The following PCDHGB4 variants were observed in gnomAD, a reference collection of about 807,000 sequenced individuals.
The protein encoded by PCDHGB4 is protocadherin gamma subfamily B, 4.
Under a neutral mutation model 60.5 loss-of-function variants are expected in PCDHGB4, and 38 were observed. The ratio of observed to expected loss-of-function variants is 0.63; its 90% CI spans 0.48 to 0.82. The LOEUF is 0.82. Ranked by LOEUF, PCDHGB4 falls within the 40% of genes least tolerant of loss-of-function variation. The probability of loss-of-function intolerance (pLI) is 0.00; values close to 1 mark genes in which losing one functional copy is unlikely to be tolerated. For synonymous variants in PCDHGB4, 456 were observed against 509.7 expected (o/e 0.89, Z 1.42); for missense variants, 1,109 against 1,209.6 (o/e 0.92, Z 1.23).
At chr5:141,468,836 A>G (rs1286137807) in intron 1 of PCDHGB4, among the ~76,000 whole-genome samples, 1 of 152,170 alleles carries the variant, frequency 6.6e-6, no homozygotes, top group East Asian at 1.9e-4. Flanking sequence ...ACTGCACTCC[A>G]GCCTGGGCAA....
At chr5:141,510,134 C>T (rs1273076437) in intron 3 of PCDHGB4, among the ~76,000 whole-genome samples, 1 of 152,064 alleles carries the variant, frequency 6.6e-6, no homozygotes, top group East Asian at 1.9e-4. Context: ...ATTAGCTGGG[C>T]TAGTGGTGTG....
intron 1 of PCDHGB4, chr5:141,403,174 T>C: frequency 1.9e-6 from 3 of 1,614,000 alleles, no homozygotes; most frequent in Non-Finnish European, 2.5e-6. Context: ...GGACGCAGCT[T>C]TTCTCTCTGA....
chr5:141,429,631 G>A (rs1272926056), intron 1 of PCDHGB4, among the ~76,000 whole-genome samples: 1 of 152,132 alleles, frequency 6.6e-6, no homozygotes, highest in Non-Finnish European at 1.5e-5. Context: ...TTTTCTCACA[G>A]CTACCTATAT....
chr5:141,471,925 G>A (rs1371923375), intron 1 of PCDHGB4, among the ~76,000 whole-genome samples: 1 of 152,076 alleles, frequency 6.6e-6, no homozygotes, highest in Non-Finnish European at 1.5e-5. Flanking sequence ...AAATTTTGGG[G>A]GTGATGAGAG....
intron 3 of PCDHGB4, among the ~76,000 whole-genome samples, chr5:141,506,781 T>C (rs965408564): frequency 1.4e-4 from 22 of 152,168 alleles, no homozygotes; most frequent in African/African-American, 5.3e-4. Context: ...CCTGGGCTTA[T>C]AAGGAGGCTG....
At position 141,388,336 on chromosome 5, in the gene PCDHGB4, G is replaced by C; in HGVS notation, c.452G>C (p.Arg151Pro). The C allele has an allele frequency of 1.2e-6, 2 of 1,613,966 alleles. No individual in the cohort carries two copies. The highest frequency in any genetic ancestry group is 1.1e-5 in the South Asian group (1 of 91,070). ...QISESAQPGT[R>P]FILGSAHDAD... ...AGTGAGTCTGCACAGCCTGGCACAC[G>C]ATTTATATTAGGATCTGCCCATGAT... Residue 151 changes from arginine (R) to proline (P), a missense_variant, in exon 1 of 4, where the codon CGA becomes CCA. By Grantham distance (103) the Arg-to-Pro change is moderately radical. Around this residue, in one of 2 missense-constraint regions of PCDHGB4, gnomAD observed 1,068 missense variants for 1,089.9 expected, o/e 0.98. Coordinates refer to ENST00000519479, the MANE Select transcript of PCDHGB4 (RefSeq NM_003736.4).
intron 1 of PCDHGB4, chr5:141,409,633 TG>T: frequency 6.2e-7 from 1 of 1,613,852 alleles, no homozygotes; most frequent in Non-Finnish European, 8.5e-7. Context: ...TGAGCGCCTC[TG>T]ACCCGGATTT....
chr5:141,426,790 A>T, intron 1 of PCDHGB4: 1 of 456,732 alleles, frequency 2.2e-6, no homozygotes, highest in Middle Eastern at 3.3e-4. Flanking sequence ...CTCCAGAGTT[A>T]CCAGCTCAGT....
intron 1 of PCDHGB4, among the ~76,000 whole-genome samples, chr5:141,397,505 T>A (rs2093531906): frequency 6.6e-6 from 1 of 152,158 alleles, no homozygotes; most frequent in South Asian, 2.1e-4. Context: ...ATGATAAAAT[T>A]GTTTCCATAG....
chr5:141,457,020 C>A (rs2098903789), intron 1 of PCDHGB4, among the ~76,000 whole-genome samples: 1 of 152,086 alleles, frequency 6.6e-6, no homozygotes, highest in Non-Finnish European at 1.5e-5. Flanking sequence ...AATAAAAAGT[C>A]CTAGTAGACT....
chr5:141,491,143 C>A lies in PCDHGB4; in HGVS notation c.2398-3664C>A. 1.2e-6 allele frequency: 2 copies of A among 1,614,142 alleles called. No homozygotes were observed. Among genetic ancestry groups the A allele is most frequent in the South Asian group, 1.1e-5 (1 of 91,082 alleles). On this transcript the variant is annotated intron_variant, in intron 1 of 3. Transcript: ENST00000519479. This position sits in a 1 kb window ranked among gnomAD's most constrained non-coding sequence, Gnocchi z 6.9. ...TGAGGTGCGCACAGCCCGGGCCTTA[C>A]TGGAGGATGACTCTGACACCCAGCA... is the stretch of plus-strand genomic sequence containing the variant.
At chr5:141,469,629 C>T (rs933972587) in intron 1 of PCDHGB4, among the ~76,000 whole-genome samples, 1 of 152,070 alleles carries the variant, frequency 6.6e-6, no homozygotes, top group Admixed American at 6.6e-5. Context: ...GTTTGTAGTT[C>T]CAAAATATTT....
chr5:141,485,314 T>G lies in PCDHGB4; in HGVS notation c.2398-9493T>G. Reference sequence around the variant, plus strand: ...CACAGGAAGGGACTTTTGTAGGGAATGTCGCTCAAGATTTCCTGCTGGATA... The same window carrying G: ...CACAGGAAGGGACTTTTGTAGGGAAGGTCGCTCAAGATTTCCTGCTGGATA... On this transcript the variant is annotated intron_variant, in intron 1 of 3. Coordinates refer to ENST00000519479, the MANE Select transcript of PCDHGB4 (RefSeq NM_003736.4). This position sits in a 1 kb window ranked among gnomAD's most constrained non-coding sequence, Gnocchi z 5.7. 1 of 1,614,150 alleles carries G rather than the reference T, an allele frequency of 6.2e-7. No individual in the cohort carries two copies. The highest frequency in any genetic ancestry group is 8.5e-7 in the Non-Finnish European group (1 of 1,180,032).
intron 1 of PCDHGB4, chr5:141,414,886 C>T (rs374779316): frequency 1.4e-5 from 22 of 1,614,120 alleles, no homozygotes; most frequent in African/African-American, 2.7e-5. Context: ...GTACCCCGCC[C>T]TCCCCACAGA....
At chr5:141,478,306 G>A (rs1316502939) in intron 1 of PCDHGB4, 2 of 1,614,056 alleles carry the variant, frequency 1.2e-6, no homozygotes, top group South Asian at 2.2e-5. Flanking sequence ...ACCGAGCCCC[G>A]GTGAGCTCAC....
At chr5:141,399,652 G>A in intron 1 of PCDHGB4, 1 of 1,613,758 alleles carries the variant, frequency 6.2e-7, no homozygotes, top group Non-Finnish European at 8.5e-7. Flanking sequence ...GCAAAGTGGG[G>A]TGGTGTTCGC....
At chr5:141,421,788 G>C (rs1262781272) in intron 1 of PCDHGB4, 7 of 1,613,682 alleles carry the variant, frequency 4.3e-6, no homozygotes, top group Admixed American at 3.3e-5. Flanking sequence ...GGGGCAGAAC[G>C]GATGGGGCCA....
chr5:141,509,882 GTGAC>G (rs1186067105), intron 3 of PCDHGB4, among the ~76,000 whole-genome samples: 1 of 152,182 alleles, frequency 6.6e-6, no homozygotes, highest in Non-Finnish European at 1.5e-5. Context: ...GGTGGTGATG[GTGAC>G]TGACTGTCCC....
In PCDHGB4 at chr5:141,393,130, T is replaced by C. The variant is rs752035971; in HGVS notation, c.2397+2849T>C. 19 of 1,613,248 alleles carry C rather than the reference T, an allele frequency of 1.2e-5. No individual in the cohort carries two copies. In the Admixed American group the frequency reaches 2.7e-4, roughly 23 times the overall value. On this transcript the variant is annotated intron_variant, in intron 1 of 3. Transcript: ENST00000519479. ...CAGAGCCCGCGGTGTCTGATAAATA[T>C]TAACACCCTGGTTGAGGATAAAGGA...
Sources: allele counts gnomAD v4.1 joint callset (sites outside exome capture counted in the v4.1 genomes callset), GRCh38; gene constraint gnomAD v4.1.1; regional missense constraint gnomAD v4.1.1; non-coding constraint Gnocchi (gnomAD v3.1); transcripts MANE v1.5; gene names NCBI Gene and HGNC (gene_info 2026-07-23, HGNC 2026-07-21).